REL: variants seen among roughly 807,000 people sequenced by gnomAD.
The protein encoded by REL is proto-oncogene c-Rel.
REL carries 15 observed loss-of-function variants against 45.9 expected under a neutral mutation model. That is an observed-to-expected ratio of 0.33 (90% CI 0.22 to 0.50). REL has a LOEUF of 0.50. Ranked by LOEUF, REL falls within the 20% of genes least tolerant of loss-of-function variation. The pLI, the probability that REL is intolerant of heterozygous loss-of-function variation, is 0.98. For missense variants in REL, 601 were observed against 715.2 expected (o/e 0.84, Z 1.82); for synonymous variants, 239 against 242.1 (o/e 0.99, Z 0.12).
chr2:60,914,767 G>C (rs983090455), intron 4 of REL, among the ~76,000 whole-genome samples: 1 of 150,772 alleles, frequency 6.6e-6, no homozygotes, highest in Non-Finnish European at 1.5e-5. Context: ...TTTGTATCTG[G>C]TTTCTTTTGC....
chr2:60,925,348 A>C lies in REL; in HGVS notation c.*2813A>C, dbSNP rs1358760171. On this transcript the variant is annotated 3_prime_UTR_variant, in exon 10 of 10. Transcript: ENST00000394479. ...TAAATGATACTGGGAAATAGGGAAG[A>C]CAGCAAAGTGAGACTTGGGCTCAGG... is the stretch of plus-strand genomic sequence containing the variant. The C allele has an allele frequency of 5.2e-6, 1 of 191,756 alleles. No homozygotes were observed. Among genetic ancestry groups the C allele is most frequent in the East Asian group, 8.1e-5 (1 of 12,314 alleles). 11.9% of individuals were successfully genotyped at this position (191,756 alleles called of 1,614,324 possible).
chr2:60,925,908 T>C lies in REL; in HGVS notation c.*3373T>C, dbSNP rs1674256390. ...AAACTAAATAAGTGTTGGCTAGTTT[T>C]GCGGTGTAAGCAGAATTAAGGTTCT... On this transcript the variant is annotated 3_prime_UTR_variant, in exon 10 of 10. Coordinates refer to ENST00000394479, the MANE Select transcript of REL (RefSeq NM_001291746.2). The C allele has an allele frequency of 2.2e-5, 5 of 225,548 alleles. No homozygotes were observed. The highest frequency in any genetic ancestry group is 5.7e-5 in the Admixed American group (1 of 17,534). 14.0% of individuals were successfully genotyped at this position (225,548 alleles called of 1,614,324 possible).
intron 4 of REL, among the ~76,000 whole-genome samples, chr2:60,909,893 C>G (rs923104265): frequency 6.6e-6 from 1 of 151,982 alleles, no homozygotes; most frequent in African/African-American, 2.4e-5. Context: ...CAGAGCAAGA[C>G]TCCATCTCAA....
intron 4 of REL, among the ~76,000 whole-genome samples, chr2:60,914,124 T>A (rs944271217): frequency 3.9e-5 from 6 of 152,202 alleles, no homozygotes; most frequent in Non-Finnish European, 8.8e-5. Flanking sequence ...TTTAAAACTT[T>A]TAAGGGCATA....
chr2:60,919,949 A>G, intron 7 of REL, 92 bp from the exon 8 acceptor site: 1 of 793,180 alleles, frequency 1.3e-6, no homozygotes, highest in Non-Finnish European at 2.1e-6. Flanking sequence ...TATTGAAAAC[A>G]TTTTCTATAT....
chr2:60,911,221 T>C (rs1231335156), intron 4 of REL: 1 of 152,090 alleles, frequency 6.6e-6, no homozygotes, highest in Non-Finnish European at 1.5e-5. Flanking sequence ...AATGAGGAAA[T>C]AAAACTATAA....
At chr2:60,894,369 C>T in intron 2 of REL, 28 bp from the exon 3 acceptor site, 1 of 1,360,860 alleles carries the variant, frequency 7.3e-7, no homozygotes, top group Non-Finnish European at 1.0e-6. Flanking sequence ...CTATTTGGAT[C>T]ATGTATTTAA....
intron 2 of REL, 24 bp downstream of exon 2, chr2:60,891,849 T>TATC (rs1673223636): frequency 1.3e-6 from 2 of 1,580,816 alleles, no homozygotes; most frequent in Admixed American, 3.6e-5. Context: ...CTTCTGTGTC[T>TATC]ATCTCACTAT....
rs1366807877 is a variant in REL at position 60,922,008 on chromosome 2, C to T, written c.1237C>T (p.Pro413Ser). 1.9e-6 allele frequency: 3 copies of T among 1,614,064 alleles called. No homozygotes were observed. Among genetic ancestry groups the T allele is most frequent in the Non-Finnish European group, 2.5e-6 (3 of 1,180,036 alleles). The change falls in exon 10 of 10, where the codon CCA becomes TCA. Residue 413 changes from proline (P) to serine (S), a missense_variant. Physicochemically the swap from Pro to Ser is moderately conservative, Grantham distance 74. Around this residue, in one of 4 missense-constraint regions of REL, gnomAD observed 334 missense variants for 333.1 expected, o/e 1.00. Coordinates refer to ENST00000394479, the MANE Select transcript of REL (RefSeq NM_001291746.2). ...TCCTTCTAATTCGCAAGGTATCCCA[C>T]CATTCCTGAGAATACCTGTTGGGAA... ...TLPSNSQGIP[P>S]FLRIPVGNDL...
chr2:60,913,318 A>C (rs1397406067), intron 4 of REL, among the ~76,000 whole-genome samples: 2 of 152,118 alleles, frequency 1.3e-5, no homozygotes, highest in African/African-American at 2.4e-5. Context: ...TGGTTATTTA[A>C]GATAAAATAC....
At position 60,881,584 on chromosome 2, in the gene REL, C is replaced by T; in HGVS notation, c.-257C>T. 2.0e-6 allele frequency: 1 copy of T among 490,682 alleles called. No homozygotes were observed. Among genetic ancestry groups the T allele is most frequent in the East Asian group, 3.6e-5 (1 of 28,004 alleles). 30.4% of individuals were successfully genotyped at this position (490,682 alleles called of 1,614,324 possible). On this transcript the variant is annotated 5_prime_UTR_variant, in exon 1 of 10. Coordinates refer to ENST00000394479, the MANE Select transcript of REL (RefSeq NM_001291746.2). ...CTCGGCTGGGCCAGCACTCGGCTCT[C>T]CCCGCTCCGCCCCCTGCCCCTGGCT... is the stretch of plus-strand genomic sequence containing the variant.
At chr2:60,917,515 TA>T (rs537960175) in intron 5 of REL, among the ~76,000 whole-genome samples, 132 of 147,376 alleles carry the variant, frequency 9.0e-4, no homozygotes, top group African/African-American at 2.8e-3. Context: ...TATTCTTGTA[TA>T]TTTTTTTTTA....
At position 60,928,085 on chromosome 2, in the gene REL, A is replaced by T; in HGVS notation, c.*5550A>T. On this transcript the variant is annotated 3_prime_UTR_variant, in exon 10 of 10. Transcript: ENST00000394479. ...GTAATCCCAGCACTTTGGGAGGCCG[A>T]GGTAGGGGGATTGCTTGAGCCCAGG... 1.1e-5 allele frequency: 2 copies of T among 174,744 alleles called. No homozygotes were observed. The highest frequency in any genetic ancestry group is 2.4e-5 in the Non-Finnish European group (2 of 81,996). The allele number at this position is 174,744 out of a possible 1,614,324, so 10.8% of individuals were successfully genotyped here.
At position 60,922,360 on chromosome 2, in the gene REL, T is replaced by A. The variant is rs772092191; in HGVS notation, c.1589T>A (p.Phe530Tyr). 1.9e-6 allele frequency: 3 copies of A among 1,614,084 alleles called. No individual in the cohort carries two copies. The South Asian group carries it at 3.3e-5, about 18-fold the overall frequency. Residue 530 changes from phenylalanine to tyrosine, a missense_variant, in exon 10 of 10, where the codon TTT becomes TAT. Coordinates refer to ENST00000394479, the MANE Select transcript of REL (RefSeq NM_001291746.2). ...GTTTTTGTTTCACAATCAGATGCAT[T>A]TGAGGGATCTGACTTCAGTTGTGCA... ...TTVFVSQSDA[F>Y]EGSDFSCADN... is the part of the protein sequence containing the mutation.
rs372798591 is a variant in REL at position 60,922,097 on chromosome 2, G to A, written c.1326G>A (p.Ala442=). 3.4e-5 allele frequency: 55 copies of A among 1,614,078 alleles called. No homozygotes were observed. In the Middle Eastern group the frequency reaches 5.0e-4, roughly 15 times the overall value. ...NNADDIVGME[A]SSMPSADLYG... is the part of the protein sequence containing the mutation. Reference sequence around the variant, plus strand: ...CCGATGACATAGTCGGAATGGAAGCGTCATCCATGCCATCAGCAGATTTAT... The same window carrying A: ...CCGATGACATAGTCGGAATGGAAGCATCATCCATGCCATCAGCAGATTTAT... The change falls in exon 10 of 10, where the codon GCG becomes GCA. Residue 442 remains alanine, a synonymous_variant. Transcript: ENST00000394479.
At position 60,916,556 on chromosome 2, in the gene REL, A is replaced by G. The variant is rs77824982; in HGVS notation, c.395-321A>G. 1.2e-4 allele frequency among the ~76,000 whole-genome samples: 18 copies of G among 152,354 alleles called. No homozygotes were observed. The East Asian group carries it at 3.3e-3, about 28-fold the overall frequency. On this transcript the variant is annotated intron_variant, in intron 4 of 9. Coordinates refer to ENST00000394479, the MANE Select transcript of REL (RefSeq NM_001291746.2). Reference sequence around the variant, plus strand: ...CTTGTTGAATGAATGGGTAAATGCCATTCTTTGTTGTGTACAAACCTGCAA... The same window carrying G: ...CTTGTTGAATGAATGGGTAAATGCCGTTCTTTGTTGTGTACAAACCTGCAA...
chr2:60,903,216 T>C (rs1322851545), intron 4 of REL, among the ~76,000 whole-genome samples: 1 of 152,240 alleles, frequency 6.6e-6, no homozygotes, highest in Non-Finnish European at 1.5e-5. Flanking sequence ...TTGGAACAAT[T>C]CTGCTTTATG....
rs1674263938 is a variant in REL at position 60,926,188 on chromosome 2, A to T, written c.*3653A>T. The stretch of plus-strand genomic sequence containing the variant: ...TTACTTTATCCTTACATCACCACTT[A>T]GTGATTCCTTTCTTTGTATAAACAT... On this transcript the variant is annotated 3_prime_UTR_variant, in exon 10 of 10. Transcript: ENST00000394479. The T allele has an allele frequency of 1.7e-5, 4 of 231,024 alleles. No individual in the cohort carries two copies. The highest frequency in any genetic ancestry group is 3.4e-5 in the Non-Finnish European group (4 of 116,314). The allele number at this position is 231,024 out of a possible 1,614,324, so 14.3% of individuals were successfully genotyped here.
In REL at chr2:60,923,062, AAAAC is replaced by A. The variant is rs893859594; in HGVS notation, c.*529_*532del. ...CTGTCTCAAAAAAAAAAAAACAAAA[AAAAC>A]ACACTTTTTTATATTTCTTTTTATA... On this transcript the variant is annotated 3_prime_UTR_variant, in exon 10 of 10. Transcript: ENST00000394479. The A allele has an allele frequency of 5.1e-5, 9 of 175,052 alleles. No homozygotes were observed. The highest frequency in any genetic ancestry group is 1.1e-4 in the Non-Finnish European group (9 of 81,266). 10.8% of individuals were successfully genotyped at this position (175,052 alleles called of 1,614,324 possible).
Sources: allele counts gnomAD v4.1 joint callset (sites outside exome capture counted in the v4.1 genomes callset), GRCh38; gene constraint gnomAD v4.1.1; regional missense constraint gnomAD v4.1.1; transcripts MANE v1.5; gene names NCBI Gene and HGNC (gene_info 2026-07-23, HGNC 2026-07-21).